Variants in UBOX5 observed in about 807,000 individuals in gnomAD.
UBOX5 encodes the protein U-box domain containing 5.
In UBOX5, 28 loss-of-function variants were observed where a neutral mutation model predicts 39.0. That is an observed-to-expected ratio of 0.72 (90% CI 0.53 to 0.98). The LOEUF (loss-of-function observed/expected upper bound fraction) is 0.98, where lower values mean the gene tolerates loss of function less well. UBOX5 is among the 50% of genes least tolerant of loss of function. The probability of loss-of-function intolerance (pLI) is 0.00; values close to 1 mark genes in which losing one functional copy is unlikely to be tolerated. For missense variants in UBOX5, 585 were observed against 674.4 expected (o/e 0.87, Z 1.47); for synonymous variants, 283 against 275.5 (o/e 1.03, Z -0.27).
At chr20:3,136,756 C>T (rs935508622) in intron 1 of UBOX5, among the ~76,000 whole-genome samples, 1 of 148,546 alleles carries the variant, frequency 6.7e-6, no homozygotes, top group African/African-American at 2.5e-5. Flanking sequence ...CCCAGGTTCA[C>T]GCCATTCTCC....
chr20:3,136,376 CAG>C (rs149333459), intron 1 of UBOX5, among the ~76,000 whole-genome samples: 13,956 of 151,758 alleles, frequency 0.092, 719 homozygotes, highest in Middle Eastern at 0.12. Flanking sequence ...TTTTTTGAGA[CAG>C]AGTCTCTCTC....
At chr20:3,135,771 A>C (rs1406778190) in intron 1 of UBOX5, among the ~76,000 whole-genome samples, 2 of 120,534 alleles carry the variant, frequency 1.7e-5, no homozygotes, top group African/African-American at 3.7e-5. Context: ...GTTATTTCTT[A>C]CTAAAGGTTG....
chr20:3,142,463 G>C (rs2066524984), intron 1 of UBOX5, among the ~76,000 whole-genome samples: 1 of 151,938 alleles, frequency 6.6e-6, no homozygotes, highest in African/African-American at 2.4e-5. Flanking sequence ...AATCACCCAG[G>C]CGTAGTGGTG....
At chr20:3,114,316 A>G (rs1404628377) in intron 4 of UBOX5, among the ~76,000 whole-genome samples, 2 of 152,056 alleles carry the variant, frequency 1.3e-5, no homozygotes, top group Non-Finnish European at 2.9e-5. Context: ...GCAATTGGCA[A>G]TGGAAACTGA....
chr20:3,123,294 T>C lies in UBOX5; in HGVS notation c.54+18A>G. On this transcript the variant is annotated intron_variant, in intron 2 of 4. Transcript: ENST00000217173. ...CAAACATAGCATATATTTATGTGTA[T>C]ATATTTGTTTTGTTTACCTTGTTGC... 2 of 1,606,982 alleles carry C rather than the reference T, an allele frequency of 1.2e-6. No individual in the cohort carries two copies. The highest frequency in any genetic ancestry group is 3.3e-4 in the Middle Eastern group (2 of 6,034).
In UBOX5 at chr20:3,159,805, G is replaced by A. The variant is rs1026004596; in HGVS notation, c.-81C>T. ...GGTGGGCGCCGCAACACCAAACCGGGGACGCCGCGGGCGGCGGCGACACAG... is the reference window on the plus strand; with the variant it reads ...GGTGGGCGCCGCAACACCAAACCGGAGACGCCGCGGGCGGCGGCGACACAG... On this transcript the variant is annotated 5_prime_UTR_variant, in exon 1 of 5. Transcript: ENST00000217173. 1.1e-4 allele frequency: 16 copies of A among 152,276 alleles called. No individual in the cohort carries two copies. The highest frequency in any genetic ancestry group is 3.9e-4 in the African/African-American group (16 of 41,470). The allele number at this position is 152,276 out of a possible 1,614,324, so 9.4% of individuals were successfully genotyped here.
intron 3 of UBOX5, among the ~76,000 whole-genome samples, chr20:3,118,820 T>TC (rs1568469697): frequency 6.6e-6 from 1 of 151,852 alleles, no homozygotes; most frequent in Non-Finnish European, 1.5e-5. Context: ...GCACCTATAG[T>TC]CCCAGCTATT....
intron 1 of UBOX5, chr20:3,147,975 T>C (rs377573955): frequency 6.2e-7 from 1 of 1,614,124 alleles, no homozygotes; most frequent in African/African-American, 1.3e-5. Context: ...TCCACGTGAG[T>C]GAAACGGAAC....
chr20:3,144,301 G>T (rs2066542009), intron 1 of UBOX5, among the ~76,000 whole-genome samples: 1 of 152,142 alleles, frequency 6.6e-6, no homozygotes. Flanking sequence ...TAGATGAATG[G>T]AATAGAAATG....
intron 1 of UBOX5, among the ~76,000 whole-genome samples, chr20:3,145,854 T>G (rs920847621): frequency 3.9e-5 from 6 of 152,078 alleles, no homozygotes; most frequent in African/African-American, 1.4e-4. Flanking sequence ...GAGACCAGCC[T>G]GAACAACATG....
At chr20:3,140,014 C>CTT (rs138435815) in intron 1 of UBOX5, among the ~76,000 whole-genome samples, 402 of 78,336 alleles carry the variant, frequency 5.1e-3, no homozygotes, top group East Asian at 7.2e-3. Flanking sequence ...GGCCTTTTTA[C>CTT]TTTTTTTTTT....
chr20:3,128,616 C>T (rs2066407278), intron 1 of UBOX5, among the ~76,000 whole-genome samples: 1 of 152,110 alleles, frequency 6.6e-6, no homozygotes, highest in African/African-American at 2.4e-5. Context: ...AATCCGAACA[C>T]TTTAGGAGGT....
intron 1 of UBOX5, among the ~76,000 whole-genome samples, chr20:3,151,478 T>C (rs2066624298): frequency 6.6e-6 from 1 of 152,176 alleles, no homozygotes; most frequent in African/African-American, 2.4e-5. Context: ...ACACTATTTC[T>C]ATAAATGCAG....
intron 4 of UBOX5, among the ~76,000 whole-genome samples, chr20:3,114,756 T>C (rs2066280312): frequency 6.6e-6 from 1 of 152,068 alleles, no homozygotes; most frequent in Admixed American, 6.6e-5. Flanking sequence ...GAGACCAGCC[T>C]GGCAACATGG....
chr20:3,153,410 A>G (rs907372118), intron 1 of UBOX5, among the ~76,000 whole-genome samples: 3 of 152,264 alleles, frequency 2.0e-5, no homozygotes, highest in Non-Finnish European at 2.9e-5. Flanking sequence ...TCCCATCCTT[A>G]TAACATCTCT....
chr20:3,137,474 G>C (rs1218189028), intron 1 of UBOX5, among the ~76,000 whole-genome samples: 2 of 150,722 alleles, frequency 1.3e-5, no homozygotes, highest in Non-Finnish European at 3.0e-5. Context: ...TCAACATGTT[G>C]GCCAGGCTGG....
rs143277441 is a variant in UBOX5, at chr20:3,148,782, T to C, written c.-42+10984A>G. Reference sequence around the variant, plus strand: ...TCCTCTTCATCAACTCCTGTGGCCCTGGGTGAGCCCAGCTGCAATGTACTG... The same window carrying C: ...TCCTCTTCATCAACTCCTGTGGCCCCGGGTGAGCCCAGCTGCAATGTACTG... On this transcript the variant is annotated intron_variant, in intron 1 of 4. Transcript: ENST00000217173. The C allele has an allele frequency of 5.8e-5, 94 of 1,614,116 alleles. 2 individuals are homozygous for C. The highest frequency in any genetic ancestry group is 3.1e-4 in the East Asian group (14 of 44,906).
At position 3,123,226 on chromosome 20, in the gene UBOX5, A is replaced by T. The variant is rs1043536488; in HGVS notation, c.54+86T>A. 3.7e-5 allele frequency: 54 copies of T among 1,444,076 alleles called. No individual in the cohort carries two copies. In the Middle Eastern group the frequency reaches 9.0e-4, roughly 24 times the overall value. The allele number at this position is 1,444,076 out of a possible 1,614,324, so 89.5% of individuals were successfully genotyped here. On this transcript the variant is annotated intron_variant, in intron 2 of 4. Coordinates refer to ENST00000217173, the MANE Select transcript of UBOX5 (RefSeq NM_014948.4). ...AAGAGCAAAAGTGCAGTAAGCCTGA[A>T]TCAAATCCACACACACAAGGCAGGA...
chr20:3,134,408 C>A (rs957451642), intron 1 of UBOX5, among the ~76,000 whole-genome samples: 1 of 151,974 alleles, frequency 6.6e-6, no homozygotes. Flanking sequence ...AAATGAACGG[C>A]CTTCTCTGTG....
Sources: gnomAD v4.1 joint callset for allele counts (sites outside exome capture counted in the v4.1 genomes callset) on GRCh38, gnomAD v4.1.1 for gene constraint, MANE v1.5 for transcripts, NCBI Gene and HGNC (gene_info 2026-07-23, HGNC 2026-07-21) for gene names.